Variants in RBFOX1 observed in about 807,000 individuals in gnomAD.
RBFOX1 encodes RNA binding protein fox-1 homolog 1.
A neutral mutation model predicts 57.7 loss-of-function variants in RBFOX1; 8 were observed. The ratio of observed to expected loss-of-function variants is 0.14; its 90% CI spans 0.08 to 0.25. The LOEUF is 0.25. Among genes scored for constraint, RBFOX1 ranks in the 10% least tolerant of loss-of-function variants. The probability of loss-of-function intolerance (pLI) is 1.00; values close to 1 mark genes in which losing one functional copy is unlikely to be tolerated. For synonymous variants in RBFOX1, 326 were observed against 222.4 expected, an observed-to-expected ratio of 1.47 and a Z score of -4.15; for missense variants, 611 against 548.5, an observed-to-expected ratio of 1.11 and a Z score of -1.14.
chr16:7,052,150 A>G, intron 4 of RBFOX1, 52 bp downstream of exon 4: 5 of 1,575,854 alleles, frequency 3.2e-6, no homozygotes, highest in South Asian at 1.2e-5. Context: ...TTGTGTGATA[A>G]GCAAAAATTT....
chr16:5,557,538 G>A (rs1402926318), intron 2 of RBFOX1, among the ~76,000 whole-genome samples: 1 of 152,106 alleles, frequency 6.6e-6, no homozygotes, highest in Non-Finnish European at 1.5e-5. Flanking sequence ...TGGGGAGCAG[G>A]GATCACTCCA....
intron 1 of RBFOX1, among the ~76,000 whole-genome samples, chr16:6,061,292 A>G (rs1467539828): frequency 6.6e-6 from 1 of 152,190 alleles, no homozygotes; most frequent in Non-Finnish European, 1.5e-5. Context: ...CTAAGCTATA[A>G]TAAGCATGTT....
At chr16:6,967,900 T>G (rs983675717) in intron 3 of RBFOX1, among the ~76,000 whole-genome samples, 18 of 152,140 alleles carry the variant, frequency 1.2e-4, no homozygotes, top group Non-Finnish European at 2.2e-4. Context: ...CCCAAATCAC[T>G]GCTCCAATTC....
intron 4 of RBFOX1, among the ~76,000 whole-genome samples, chr16:7,191,672 A>C (rs2085420696): frequency 6.6e-6 from 1 of 152,250 alleles, no homozygotes; most frequent in South Asian, 2.1e-4. Flanking sequence ...TTCCGTCAGA[A>C]GGGCATGCTC....
intron 4 of RBFOX1, among the ~76,000 whole-genome samples, chr16:7,385,554 C>T (rs1239445085): frequency 2.0e-5 from 3 of 152,052 alleles, no homozygotes; most frequent in Non-Finnish European, 4.4e-5. Flanking sequence ...GAAGTTCTAG[C>T]AGAAATGTGA....
At chr16:7,579,466 C>G (rs2093586553) in intron 5 of RBFOX1, among the ~76,000 whole-genome samples, 1 of 152,100 alleles carries the variant, frequency 6.6e-6, no homozygotes, top group Non-Finnish European at 1.5e-5. Flanking sequence ...GCCTATAGTG[C>G]TTTTCTCTGT....
Position 6,980,376 on chromosome 16 carries a change from AATCTT to A in RBFOX1, c.-15-71675_-15-71671del, listed in dbSNP as rs1431360056. Among the ~76,000 whole-genome samples, 15 of 152,224 alleles carry A rather than the reference AATCTT, an allele frequency of 9.9e-5. No homozygotes were observed. In the East Asian group the frequency reaches 1.9e-3, roughly 20 times the overall value. On this transcript the variant is annotated intron_variant, in intron 3 of 15. Coordinates refer to ENST00000550418, the MANE Select transcript of RBFOX1 (RefSeq NM_018723.4). ...CATGTAACCATTTCTTTTGTTTTCT[AATCTT>A]ATCTTTTTCCTTCATGAGAGTTTAC...
chr16:6,252,650 C>G (rs2097627061), intron 1 of RBFOX1, among the ~76,000 whole-genome samples: 1 of 151,272 alleles, frequency 6.6e-6, no homozygotes, highest in African/African-American at 2.4e-5. Context: ...TGGTAAACTT[C>G]CATTCATGAC....
chr16:7,452,133 C>T (rs1268198233), intron 4 of RBFOX1, among the ~76,000 whole-genome samples: 4 of 152,178 alleles, frequency 2.6e-5, no homozygotes, highest in African/African-American at 9.7e-5. Context: ...AACAGAGGAA[C>T]ATCACTACTT....
intron 3 of RBFOX1, among the ~76,000 whole-genome samples, chr16:6,842,464 A>G (rs2093529833): frequency 6.6e-6 from 1 of 152,066 alleles, no homozygotes; most frequent in South Asian, 2.1e-4. Flanking sequence ...ATATACAAAT[A>G]TGAATGTGTG....
chr16:6,458,100 G>A (rs192173365), intron 2 of RBFOX1, among the ~76,000 whole-genome samples: 72 of 152,318 alleles, frequency 4.7e-4, no homozygotes, highest in Admixed American at 1.8e-3. Context: ...GGCTGGGGAA[G>A]TTTGAAGAAG....
At chr16:5,799,146 C>T (rs909542040) in intron 3 of RBFOX1, among the ~76,000 whole-genome samples, 4 of 152,048 alleles carry the variant, frequency 2.6e-5, no homozygotes, top group African/African-American at 9.7e-5. Context: ...TACATGGCAG[C>T]AGACAAGAGA....
At chr16:5,729,102 C>G (rs2052261995) in intron 3 of RBFOX1, among the ~76,000 whole-genome samples, 1 of 152,208 alleles carries the variant, frequency 6.6e-6, no homozygotes, top group African/African-American at 2.4e-5. Context: ...CTTGCTGTTG[C>G]TGAGAACCGG....
chr16:7,423,841 G>A (rs963238351), intron 4 of RBFOX1, among the ~76,000 whole-genome samples: 4 of 152,154 alleles, frequency 2.6e-5, no homozygotes, highest in Non-Finnish European at 5.9e-5. Context: ...TTAAATAGCA[G>A]AAGGGTGGAG....
chr16:5,534,054 G>A (rs2044592710), intron 2 of RBFOX1, among the ~76,000 whole-genome samples: 1 of 152,126 alleles, frequency 6.6e-6, no homozygotes, highest in African/African-American at 2.4e-5. Flanking sequence ...TTGCCATGGG[G>A]ACTGGCCACA....
chr16:5,570,115 C>T (rs1335888408), intron 2 of RBFOX1, among the ~76,000 whole-genome samples: 1 of 152,156 alleles, frequency 6.6e-6, no homozygotes, highest in Non-Finnish European at 1.5e-5. Context: ...GTCTTCCACA[C>T]CTGATAAGTA....
intron 3 of RBFOX1, among the ~76,000 whole-genome samples, chr16:7,005,670 A>G (rs1376397262): frequency 6.6e-6 from 1 of 152,194 alleles, no homozygotes; most frequent in Non-Finnish European, 1.5e-5. Context: ...ATTTCATAGA[A>G]TATCAGCATC....
intron 2 of RBFOX1, among the ~76,000 whole-genome samples, chr16:6,398,946 G>A (rs757394558): frequency 6.6e-6 from 1 of 152,240 alleles, no homozygotes. Flanking sequence ...TTCTCCATGA[G>A]GATTCTGCCC....
intron 2 of RBFOX1, among the ~76,000 whole-genome samples, chr16:6,435,168 A>T (rs904982695): frequency 6.6e-6 from 1 of 152,208 alleles, no homozygotes; most frequent in Non-Finnish European, 1.5e-5. Flanking sequence ...TAGTGAACGC[A>T]TGTTACCACT....
Sources: gnomAD v4.1 joint callset for allele counts (sites outside exome capture counted in the v4.1 genomes callset) on GRCh38, gnomAD v4.1.1 for gene constraint, MANE v1.5 for transcripts, NCBI Gene and HGNC (gene_info 2026-07-23, HGNC 2026-07-21) for gene names.